COL4A4: variants seen among roughly 807,000 people sequenced by gnomAD.
COL4A4 encodes collagen alpha-4(IV) chain.
COL4A4 carries 105 observed loss-of-function variants against 192.9 expected under a neutral mutation model. That is an observed-to-expected ratio of 0.54 (90% CI 0.46 to 0.64). The LOEUF (loss-of-function observed/expected upper bound fraction) is 0.64, where lower values mean the gene tolerates loss of function less well. Among genes scored for constraint, COL4A4 ranks in the 30% least tolerant of loss-of-function variants. COL4A4 has a pLI of 0.00. For synonymous variants in COL4A4, 762 were observed against 769.9 expected (o/e 0.99, Z 0.17); for missense variants, 1,967 against 2,169.3 (o/e 0.91, Z 1.85).
chr2:227,138,297 GAC>G (rs1474829451), intron 4 of COL4A4, among the ~76,000 whole-genome samples: 1 of 151,974 alleles, frequency 6.6e-6, no homozygotes, highest in Non-Finnish European at 1.5e-5. Context: ...CAGTCTGGGT[GAC>G]AGAGTGAGAC....
Position 227,007,590 on chromosome 2 carries a change from T to C in COL4A4, c.4810-2A>G. 1 of 1,612,334 alleles carries C rather than the reference T, an allele frequency of 6.2e-7. No homozygotes were observed. The highest frequency in any genetic ancestry group is 1.1e-5 in the South Asian group (1 of 91,004). On this transcript the variant is annotated splice_acceptor_variant, in intron 47 of 47. Coordinates refer to ENST00000396625, the MANE Select transcript of COL4A4 (RefSeq NM_000092.5). LOFTEE classifies it high-confidence loss of function. ...TCCTTGGTCCCCAGCTCCTGTGTGC[T>C]ACCCAGAAAACAAGAGAGAATTAGG...
the COL4A4 span, among the ~76,000 whole-genome samples, chr2:226,974,754 C>T: frequency 6.6e-6 from 1 of 152,154 alleles, no homozygotes; most frequent in East Asian, 1.9e-4. Flanking sequence ...GTGGATACTC[C>T]CTGCAGGCTG....
At chr2:227,091,922 GAAAGAAAA>G (rs2059958350) in intron 20 of COL4A4, among the ~76,000 whole-genome samples, 1 of 60,294 alleles carries the variant, frequency 1.7e-5, no homozygotes, top group South Asian at 7.3e-4. Flanking sequence ...AAGAAAGAAA[GAAAGAAAA>G]GAAAAGAAAA....
rs374257942 is a variant in COL4A4 at position 227,039,691 on chromosome 2, T to C, written c.3505+2457A>G. 6.6e-5 allele frequency among the ~76,000 whole-genome samples: 10 copies of C among 152,144 alleles called. No individual in the cohort carries two copies. In the East Asian group the frequency reaches 1.9e-3, roughly 29 times the overall value. On this transcript the variant is annotated intron_variant, in intron 37 of 47. Transcript: ENST00000396625. ...AGGAAAAAGTGGGAGTGGTTAATGA[T>C]GACAAATGTTTTCTTTTGGTTCTTT...
At chr2:227,041,914 G>A (rs1971518879) in intron 37 of COL4A4, among the ~76,000 whole-genome samples, 1 of 150,672 alleles carries the variant, frequency 6.6e-6, no homozygotes, top group Non-Finnish European at 1.5e-5. Flanking sequence ...AAGAAAGAAA[G>A]AAAGAAAGAA....
chr2:227,140,875 TCACACACACACA>T (rs71036159), intron 3 of COL4A4, among the ~76,000 whole-genome samples: 1,949 of 139,834 alleles, frequency 0.014, 46 homozygotes, highest in African/African-American at 0.047. Context: ...CTTTAGAGCA[TCACACACACACA>T]CACACACACA....
intron 19 of COL4A4, among the ~76,000 whole-genome samples, chr2:227,096,729 T>C (rs2060222838): frequency 6.6e-6 from 1 of 152,208 alleles, no homozygotes; most frequent in African/African-American, 2.4e-5. Flanking sequence ...ATCACACAGC[T>C]TGCAAGTAGG....
At chr2:227,093,345 T>G (rs986469568) in intron 20 of COL4A4, among the ~76,000 whole-genome samples, 15 of 152,226 alleles carry the variant, frequency 9.9e-5, no homozygotes, top group African/African-American at 3.6e-4. Context: ...TCTGCTAAGA[T>G]GTAGGTATAC....
chr2:227,069,764 C>A (rs2058593685), intron 25 of COL4A4, among the ~76,000 whole-genome samples: 1 of 151,668 alleles, frequency 6.6e-6, no homozygotes, highest in Admixed American at 6.6e-5. Flanking sequence ...ACCATAAAAA[C>A]CCTAGAAGAA....
chr2:227,078,911 T>A (rs1032564233), intron 24 of COL4A4, among the ~76,000 whole-genome samples: 1 of 152,212 alleles, frequency 6.6e-6, no homozygotes, highest in Non-Finnish European at 1.5e-5. Flanking sequence ...CAGTACTGCT[T>A]ATAGTAAAAT....
chr2:227,054,506 G>C, intron 31 of COL4A4, 88 bp downstream of exon 31: 1 of 1,450,452 alleles, frequency 6.9e-7, no homozygotes, highest in Non-Finnish European at 9.7e-7. Context: ...CTTCAGACAA[G>C]TCCTATTTTA....
At chr2:226,992,245 A>G in the COL4A4 span, among the ~76,000 whole-genome samples, 1 of 152,228 alleles carries the variant, frequency 6.6e-6, no homozygotes, top group African/African-American at 2.4e-5. Context: ...TGTGGCTCCA[A>G]CGCAGAGCAC....
chr2:227,023,931 G>A (rs769985827), intron 43 of COL4A4, among the ~76,000 whole-genome samples: 2 of 151,950 alleles, frequency 1.3e-5, no homozygotes, highest in South Asian at 2.1e-4. Flanking sequence ...GCTTGAACCC[G>A]GGAGGCGGAG....
At chr2:227,043,874 C>T (rs991709509) in intron 35 of COL4A4, among the ~76,000 whole-genome samples, 1 of 152,158 alleles carries the variant, frequency 6.6e-6, no homozygotes, top group Admixed American at 6.5e-5. Flanking sequence ...TCTTAATACC[C>T]TCAAACACTC....
chr2:227,060,789 G>A (rs1000492954), intron 26 of COL4A4, among the ~76,000 whole-genome samples: 1 of 148,774 alleles, frequency 6.7e-6, no homozygotes, highest in Non-Finnish European at 1.5e-5. Flanking sequence ...GTGCAGTGAC[G>A]CAGTCTCGGC....
At chr2:227,130,196 AG>A (rs1156717271) in intron 4 of COL4A4, among the ~76,000 whole-genome samples, 3 of 152,218 alleles carry the variant, frequency 2.0e-5, no homozygotes, top group African/African-American at 7.2e-5. Context: ...ACAATGAAAT[AG>A]GGGCAACTGA....
rs1553643669 is a variant in COL4A4, at chr2:227,059,508, T to TC, written c.2279dup (p.Asp761ArgfsTer27). ...GTCCCAGGTGACCAAATGCAGGGTCTCCCGGGATTCCTTTCTGACCATTCA... is the reference window on the plus strand; with the variant it reads ...GTCCCAGGTGACCAAATGCAGGGTCTCCCCGGGATTCCTTTCTGACCATTCA... On this transcript the variant is annotated frameshift_variant, in exon 28 of 48. Coordinates refer to ENST00000396625, the MANE Select transcript of COL4A4 (RefSeq NM_000092.5). LOFTEE classifies it high-confidence loss of function. 5.0e-6 allele frequency: 8 copies of TC among 1,614,010 alleles called. No individual in the cohort carries two copies. Among genetic ancestry groups the TC allele is most frequent in the Non-Finnish European group, 6.8e-6 (8 of 1,179,958 alleles).
At chr2:226,993,527 T>C in the COL4A4 span, among the ~76,000 whole-genome samples, 2 of 152,238 alleles carry the variant, frequency 1.3e-5, no homozygotes, top group African/African-American at 4.8e-5. Context: ...TTCATGAATA[T>C]GTAATTTCAA....
chr2:227,022,647 CAT>C (rs553322023), intron 43 of COL4A4: 30 of 475,046 alleles, frequency 6.3e-5, no homozygotes, highest in African/African-American at 4.4e-4. Flanking sequence ...CAGTCACTAA[CAT>C]AGAATTTCAG....
Sources: allele counts gnomAD v4.1 joint callset (sites outside exome capture counted in the v4.1 genomes callset), GRCh38; gene constraint gnomAD v4.1.1; transcripts MANE v1.5; gene names NCBI Gene and HGNC (gene_info 2026-07-23, HGNC 2026-07-21).